Variants in NME8 observed in about 807,000 individuals in gnomAD.
The protein encoded by NME8 is protein NME8.
Under a neutral mutation model 82.3 loss-of-function variants are expected in NME8, and 72 were observed. That is an observed-to-expected ratio of 0.87 (90% CI 0.72 to 1.06). NME8 has a LOEUF of 1.06. Ranked by LOEUF, NME8 falls within the 50% of genes least tolerant of loss-of-function variation. NME8 has a pLI of 0.00. For missense variants in NME8, 712 were observed against 685.4 expected, an observed-to-expected ratio of 1.04 and a Z score of -0.43; for synonymous variants, 267 against 228.5, an observed-to-expected ratio of 1.17 and a Z score of -1.52.
At chr7:37,886,039 T>G (rs1249165559) in intron 14 of NME8, among the ~76,000 whole-genome samples, 1 of 152,162 alleles carries the variant, frequency 6.6e-6, no homozygotes, top group Non-Finnish European at 1.5e-5. Context: ...GAAGCCTCAC[T>G]TACATGAAAG....
chr7:37,885,488 A>G (rs1386039209), intron 14 of NME8, among the ~76,000 whole-genome samples: 1 of 152,184 alleles, frequency 6.6e-6, no homozygotes, highest in Non-Finnish European at 1.5e-5. Flanking sequence ...CTGGGAGCTA[A>G]GAGGTGTATA....
At chr7:37,886,901 A>G (rs957693614) in intron 14 of NME8, among the ~76,000 whole-genome samples, 1 of 152,010 alleles carries the variant, frequency 6.6e-6, no homozygotes. Flanking sequence ...ACCCTGAATG[A>G]GTCATTGAGA....
chr7:37,868,304 C>T (rs1784721363), intron 11 of NME8, among the ~76,000 whole-genome samples: 2 of 152,260 alleles, frequency 1.3e-5, no homozygotes, highest in South Asian at 4.1e-4. Context: ...CCTTATTAGC[C>T]ACACAGGTCA....
At chr7:37,882,338 G>A (rs532701458) in intron 12 of NME8, among the ~76,000 whole-genome samples, 36 of 151,780 alleles carry the variant, frequency 2.4e-4, no homozygotes, top group African/African-American at 7.2e-4. Flanking sequence ...AATAGAAAAC[G>A]TAGCCGGGCG....
At position 37,896,913 on chromosome 7, in the gene NME8, G is replaced by C. The variant is rs536891365; in HGVS notation, c.1588G>C (p.Ala530Pro). ...GATTCTGACCAAGTGGAATGCTGTT[G>C]CAGAATGGAGACGATTGATGGGCCC... ...VMILTKWNAV[A>P]EWRRLMGPTD... Residue 530 changes from alanine to proline, a missense_variant, in exon 17 of 18, where the codon GCA becomes CCA. Physicochemically the swap from Ala to Pro is conservative, Grantham distance 27 (BLOSUM62 -1). Coordinates refer to ENST00000199447, the MANE Select transcript of NME8 (RefSeq NM_016616.5). 15 of 1,613,730 alleles carry C rather than the reference G, an allele frequency of 9.3e-6. No individual in the cohort carries two copies. The highest frequency in any genetic ancestry group is 1.3e-5 in the African/African-American group (1 of 74,896).
At chr7:37,900,124 G>A (rs1785291892) in intron 17 of NME8, 120 bp from the exon 18 acceptor site, 1 of 152,182 alleles carries the variant, frequency 6.6e-6, no homozygotes. Context: ...TAAAGGTTAA[G>A]GCCCATCTCC....
At position 37,848,654 on chromosome 7, in the gene NME8, T is replaced by G. The variant is rs1377669680; in HGVS notation, c.-315T>G. Reference sequence around the variant, plus strand: ...GTCTTGTGATGGTGGAACCAGGACTTCGTTGTTCCTTCATTGTGTGGGCAG... The same window carrying G: ...GTCTTGTGATGGTGGAACCAGGACTGCGTTGTTCCTTCATTGTGTGGGCAG... On this transcript the variant is annotated 5_prime_UTR_variant, in exon 1 of 18. Transcript: ENST00000199447. 2.6e-5 allele frequency: 4 copies of G among 152,348 alleles called. No homozygotes were observed. Among genetic ancestry groups the G allele is most frequent in the Non-Finnish European group, 4.4e-5 (3 of 68,170 alleles). The allele number at this position is 152,348 out of a possible 1,614,324, so 9.4% of individuals were successfully genotyped here.
At chr7:37,874,378 T>C (rs1333749300) in intron 11 of NME8, among the ~76,000 whole-genome samples, 1 of 152,190 alleles carries the variant, frequency 6.6e-6, no homozygotes, top group Non-Finnish European at 1.5e-5. Context: ...AAGGCAGTAT[T>C]TTGACAGTTG....
intron 9 of NME8, 71 bp downstream of exon 9, chr7:37,864,492 C>T: frequency 7.1e-7 from 1 of 1,417,750 alleles, no homozygotes; most frequent in Non-Finnish European, 9.7e-7. Context: ...AGTTCAAAGA[C>T]AAGCGTACCA....
At chr7:37,875,486 T>G (rs534135082) in intron 11 of NME8, among the ~76,000 whole-genome samples, 1 of 151,834 alleles carries the variant, frequency 6.6e-6, no homozygotes. Flanking sequence ...AGAACAAATA[T>G]GGGACAGTGT....
intron 15 of NME8, among the ~76,000 whole-genome samples, 176 bp from the exon 16 acceptor site, chr7:37,894,290 G>A (rs1250678866): frequency 6.6e-6 from 1 of 152,154 alleles, no homozygotes; most frequent in Non-Finnish European, 1.5e-5. Context: ...TTAACATACT[G>A]AAGTTCTGAA....
At chr7:37,879,004 C>A (rs982273521) in intron 12 of NME8, among the ~76,000 whole-genome samples, 1 of 151,966 alleles carries the variant, frequency 6.6e-6, no homozygotes, top group African/African-American at 2.4e-5. Context: ...CCTAACAATC[C>A]CCTGTGTTTT....
At chr7:37,883,071 T>A (rs1320292483) in intron 12 of NME8, among the ~76,000 whole-genome samples, 2 of 152,092 alleles carry the variant, frequency 1.3e-5, no homozygotes, top group Non-Finnish European at 1.5e-5. Context: ...GGGAAGGCAA[T>A]CTCCAGGATT....
In NME8 at chr7:37,879,070, T is replaced by A. The variant is rs975457571; in HGVS notation, c.994+2063T>A. On this transcript the variant is annotated intron_variant, in intron 12 of 17. Coordinates refer to ENST00000199447, the MANE Select transcript of NME8 (RefSeq NM_016616.5). Reference sequence around the variant, plus strand: ...CTGGCAACCACTGATCCTTTTGTTATTTGATATGTTATGGGATGTCTTAGA... The same window carrying A: ...CTGGCAACCACTGATCCTTTTGTTAATTGATATGTTATGGGATGTCTTAGA... Among the ~76,000 whole-genome samples the A allele has an allele frequency of 2.6e-4, 39 of 152,098 alleles. 1 individual carries two copies. Among genetic ancestry groups the A allele is most frequent in the Non-Finnish European group, 3.8e-4 (26 of 68,010 alleles).
chr7:37,871,165 G>A lies in NME8; in HGVS notation c.818+3267G>A, dbSNP rs111927657. Among the ~76,000 whole-genome samples the A allele has an allele frequency of 1.1e-4, 16 of 152,208 alleles. 1 individual carries two copies. The South Asian group carries it at 1.2e-3, about 12-fold the overall frequency. ...GTGACCCCTCTGCGTACAGAGCAGC[G>A]GAGTCCCAGAGCTTTATTGGCTGGT... On this transcript the variant is annotated intron_variant, in intron 11 of 17. Coordinates refer to ENST00000199447, the MANE Select transcript of NME8 (RefSeq NM_016616.5).
intron 11 of NME8, among the ~76,000 whole-genome samples, chr7:37,873,374 A>AAAAG (rs1491423922): frequency 7.3e-6 from 1 of 136,690 alleles, no homozygotes; most frequent in Non-Finnish European, 1.6e-5. Flanking sequence ...AAAAAAAAAA[A>AAAAG]GAAAAGAAAA....
intron 14 of NME8, 52 bp downstream of exon 14, chr7:37,885,304 C>A: frequency 2.7e-6 from 3 of 1,106,964 alleles, no homozygotes; most frequent in South Asian, 1.3e-5. Flanking sequence ...CCATTTTAAA[C>A]ACCTTTTTAG....
intron 11 of NME8, among the ~76,000 whole-genome samples, chr7:37,874,708 G>A (rs1014908461): frequency 6.6e-6 from 1 of 152,024 alleles, no homozygotes; most frequent in African/African-American, 2.4e-5. Context: ...CTATGAAAAG[G>A]TTAATTTTCC....
rs1285563492 is a variant in NME8 at position 37,885,130 on chromosome 7, T to C, written c.1140-15T>C. 6.4e-7 allele frequency: 1 copy of C among 1,559,406 alleles called. No individual in the cohort carries two copies. The highest frequency in any genetic ancestry group is 8.8e-7 in the Non-Finnish European group (1 of 1,131,020). On this transcript the variant is annotated splice_polypyrimidine_tract_variant and intron_variant, in intron 13 of 17. Transcript: ENST00000199447. ...ACACTTCTTATTACCTCTTCTTTGT[T>C]TTCTTTTCTAATAGTGGTCCATCTC...
Sources: allele counts gnomAD v4.1 joint callset (sites outside exome capture counted in the v4.1 genomes callset), GRCh38; gene constraint gnomAD v4.1.1; transcripts MANE v1.5; gene names NCBI Gene and HGNC (gene_info 2026-07-23, HGNC 2026-07-21).